OSBPL10: variants seen among roughly 807,000 people sequenced by gnomAD.
OSBPL10 encodes the protein oxysterol binding protein like 10.
A neutral mutation model predicts 81.7 loss-of-function variants in OSBPL10; 49 were observed. The ratio of observed to expected loss-of-function variants is 0.60; its 90% CI spans 0.48 to 0.76. OSBPL10 has a LOEUF of 0.76. Ranked by LOEUF, OSBPL10 falls within the 30% of genes least tolerant of loss-of-function variation. OSBPL10 has a pLI of 0.00. For missense variants in OSBPL10, 923 were observed against 987.8 expected (o/e 0.93, Z 0.88); for synonymous variants, 419 against 383.6 (o/e 1.09, Z -1.08).
intron 1 of OSBPL10, among the ~76,000 whole-genome samples, chr3:31,963,524 G>A (rs11712340): frequency 0.18 from 27,482 of 151,928 alleles, 2,697 homozygotes; most frequent in South Asian, 0.34. Context: ...TGATTTGAAG[G>A]CTCACTCTTC....
At chr3:31,745,119 G>C (rs755274483) in intron 5 of OSBPL10, among the ~76,000 whole-genome samples, 2 of 152,222 alleles carry the variant, frequency 1.3e-5, no homozygotes, top group African/African-American at 2.4e-5. Context: ...AGGTAGAAAA[G>C]CAGGTTTGGG....
chr3:31,891,827 A>G (rs1695901916), intron 1 of OSBPL10, among the ~76,000 whole-genome samples: 2 of 152,204 alleles, frequency 1.3e-5, no homozygotes, highest in Non-Finnish European at 2.9e-5. Flanking sequence ...GAGAATCCAT[A>G]TAAAAGCTCA....
chr3:31,717,998 T>G (rs182869594), intron 6 of OSBPL10: 7 of 152,302 alleles, frequency 4.6e-5, no homozygotes, highest in Admixed American at 3.3e-4. Context: ...GATTCTTATA[T>G]TAAGCACAAA....
At chr3:31,891,273 G>A (rs1241383416) in intron 1 of OSBPL10, among the ~76,000 whole-genome samples, 3 of 152,178 alleles carry the variant, frequency 2.0e-5, no homozygotes, top group Non-Finnish European at 4.4e-5. Context: ...TTAAAACACA[G>A]CTTCCTGGGC....
chr3:31,995,144 C>T (rs35841724), intron 2 of OSBPL10, among the ~76,000 whole-genome samples: 51,236 of 152,054 alleles, frequency 0.34, 11,679 homozygotes, highest in African/African-American at 0.64. Context: ...CAGCAGTGCA[C>T]GTATTGTCTT....
rs549053861 is a variant in OSBPL10, at chr3:31,958,387, C to T, written c.281+22512G>A. 2.0e-5 allele frequency among the ~76,000 whole-genome samples: 3 copies of T among 152,140 alleles called. No individual in the cohort carries two copies. The East Asian group carries it at 5.8e-4, about 29-fold the overall frequency. ...CAAATCTAGTTTGTATGTTTTAGGC[C>T]TCACTAGATCCAATGTAGTAACAAC... On this transcript the variant is annotated intron_variant, in intron 1 of 11. Transcript: ENST00000396556.
intron 2 of OSBPL10, among the ~76,000 whole-genome samples, chr3:32,002,703 G>GA (rs1699163533): frequency 6.6e-6 from 1 of 152,156 alleles, no homozygotes; most frequent in Non-Finnish European, 1.5e-5. Context: ...AGATTTTAGA[G>GA]AAAAAAGGTT....
At chr3:31,952,433 T>A (rs1697895424) in intron 1 of OSBPL10, among the ~76,000 whole-genome samples, 1 of 152,180 alleles carries the variant, frequency 6.6e-6, no homozygotes, top group Non-Finnish European at 1.5e-5. Flanking sequence ...GTATCCCTCG[T>A]CACGCTCCGT....
chr3:32,012,697 T>C (rs943129728), intron 2 of OSBPL10, among the ~76,000 whole-genome samples: 1 of 152,028 alleles, frequency 6.6e-6, no homozygotes, highest in African/African-American at 2.4e-5. Flanking sequence ...TCAGGAAACC[T>C]ATCTCACGTG....
chr3:31,924,759 T>G (rs1489986556), intron 1 of OSBPL10, among the ~76,000 whole-genome samples: 1 of 152,160 alleles, frequency 6.6e-6, no homozygotes, highest in Admixed American at 6.5e-5. Context: ...GCTCTGCTGT[T>G]GTACCACTAA....
chr3:31,812,808 AAGAAAGAAAG>A lies in OSBPL10; in HGVS notation c.729+17222_729+17231del, dbSNP rs1559476507. On this transcript the variant is annotated intron_variant, in intron 4 of 11. Transcript: ENST00000396556. ...AAAGAAAGAAAGAAAGAAAGAAAGA[AAGAAAGAAAG>A]AGAAAGAAAGAAAGAAAGAAAGAAA... Among the ~76,000 whole-genome samples the A allele has an allele frequency of 1.3e-3, 75 of 56,432 alleles. 2 individuals carry two copies. The highest frequency in any genetic ancestry group is 7.6e-3 in the East Asian group (10 of 1,308). 37.0% of individuals were successfully genotyped at this position (56,432 alleles called of 152,430 possible).
chr3:31,670,970 G>C lies in OSBPL10; in HGVS notation c.1740C>G (p.Leu580=). ...ATACGTACTCCTCCCCGTGTTCCAG[G>C]AGCCTCAACACACCTCCAGGGAGAG... ...VSMIGEGVLR[L]LEHGEEYVFT... is the part of the protein sequence containing the mutation. Residue 580 remains leucine (L), a synonymous_variant, in exon 9 of 12, where the codon CTC becomes CTG. Transcript: ENST00000396556. 6.2e-7 allele frequency: 1 copy of C among 1,612,558 alleles called. No individual in the cohort carries two copies. The highest frequency in any genetic ancestry group is 8.5e-7 in the Non-Finnish European group (1 of 1,179,118).
chr3:32,032,405 G>A (rs1699481733), intron 2 of OSBPL10, among the ~76,000 whole-genome samples: 1 of 151,912 alleles, frequency 6.6e-6, no homozygotes, highest in Non-Finnish European at 1.5e-5. Flanking sequence ...GTGAGACTCT[G>A]TCTAAAAATA....
rs532581299 is a variant in OSBPL10 at position 31,912,044 on chromosome 3, G to A, written c.282-32214C>T. Among the ~76,000 whole-genome samples, 17 of 152,008 alleles carry A rather than the reference G, an allele frequency of 1.1e-4. 1 individual carries two copies. Among genetic ancestry groups the A allele is most frequent in the African/African-American group, 3.6e-4 (15 of 41,452 alleles). On this transcript the variant is annotated intron_variant, in intron 1 of 11. Transcript: ENST00000396556. ...ACGGTACAGTATGCCGAAAAAAACA[G>A]TTAAAATGATAAATTTTGTTATGTA...
rs932601737 is a variant in OSBPL10, at chr3:31,981,235, GGCT to G, written c.-59_-57del. 38 of 1,336,696 alleles carry G rather than the reference GGCT, an allele frequency of 2.8e-5. No individual in the cohort carries two copies. Among genetic ancestry groups the G allele is most frequent in the Middle Eastern group, 2.8e-4 (1 of 3,544 alleles). 82.8% of individuals were successfully genotyped at this position (1,336,696 alleles called of 1,614,324 possible). Reference sequence around the variant, plus strand: ...GCCGCGGTGGCGGCCCCGGCACGGCGGCTGCTGCTGCTGCTACAGCTCCGGACG... The same window carrying G: ...GCCGCGGTGGCGGCCCCGGCACGGCGGCTGCTGCTGCTACAGCTCCGGACG... On this transcript the variant is annotated 5_prime_UTR_variant, in exon 1 of 12. Coordinates refer to ENST00000396556, the MANE Select transcript of OSBPL10 (RefSeq NM_017784.5). This position sits in a 1 kb window ranked among gnomAD's most constrained non-coding sequence, Gnocchi z 4.5.
chr3:31,901,947 T>C (rs1696255072), intron 1 of OSBPL10, among the ~76,000 whole-genome samples: 1 of 152,128 alleles, frequency 6.6e-6, no homozygotes, highest in Non-Finnish European at 1.5e-5. Flanking sequence ...GGAGAACTAC[T>C]TTAACCTAGG....
intron 1 of OSBPL10, among the ~76,000 whole-genome samples, chr3:31,930,279 A>T (rs529032414): frequency 6.6e-6 from 1 of 152,326 alleles, no homozygotes; most frequent in East Asian, 1.9e-4. Context: ...GTAAATGCAA[A>T]TTAAAACTGA....
chr3:31,984,957 G>C (rs886131786), upstream of OSBPL10, among the ~76,000 whole-genome samples: 1 of 152,182 alleles, frequency 6.6e-6, no homozygotes, highest in Non-Finnish European at 1.5e-5. Context: ...ATATTGGCTA[G>C]GCCAGGCGCG....
At chr3:31,672,825 G>T (rs1054630876) in intron 8 of OSBPL10, among the ~76,000 whole-genome samples, 13 of 152,278 alleles carry the variant, frequency 8.5e-5, no homozygotes, top group Middle Eastern at 3.4e-3. Flanking sequence ...ATGGACAGAT[G>T]AAGGCACTGA....
Sources: allele counts gnomAD v4.1 joint callset (sites outside exome capture counted in the v4.1 genomes callset), GRCh38; gene constraint gnomAD v4.1.1; non-coding constraint Gnocchi (gnomAD v3.1); transcripts MANE v1.5; gene names NCBI Gene and HGNC (gene_info 2026-07-23, HGNC 2026-07-21).